The following UQCRFS1 variants were observed in gnomAD, a reference collection of about 807,000 sequenced individuals.
UQCRFS1 encodes ubiquinol-cytochrome c reductase, Rieske iron-sulfur polypeptide 1.
Under a neutral mutation model 15.6 loss-of-function variants are expected in UQCRFS1, and 6 were observed. The ratio of observed to expected loss-of-function variants is 0.38; its 90% CI spans 0.21 to 0.76. The LOEUF (loss-of-function observed/expected upper bound fraction) is 0.76, where lower values mean the gene tolerates loss of function less well. Ranked by LOEUF, UQCRFS1 falls within the 30% of genes least tolerant of loss-of-function variation. UQCRFS1 has a pLI of 0.44. For synonymous variants in UQCRFS1, 105 were observed against 154.3 expected (o/e 0.68, Z 2.37); for missense variants, 203 against 366.7 (o/e 0.55, Z 3.65).
At chr19:29,211,933 C>T (rs570142459) in intron 1 of UQCRFS1, among the ~76,000 whole-genome samples, 7 of 152,326 alleles carry the variant, frequency 4.6e-5, no homozygotes, top group African/African-American at 1.7e-4. Flanking sequence ...CTTGCTCCAA[C>T]TGCGGGGGCG....
intron 1 of UQCRFS1, among the ~76,000 whole-genome samples, chr19:29,209,497 T>C (rs957399724): frequency 2.6e-5 from 4 of 152,104 alleles, no homozygotes; most frequent in Non-Finnish European, 4.4e-5. Context: ...CCAGAAGTAT[T>C]CAAACAATAA....
At chr19:29,208,270 A>G in intron 1 of UQCRFS1, 112 bp from the exon 2 acceptor site, 1 of 1,380,678 alleles carries the variant, frequency 7.2e-7, no homozygotes, top group Non-Finnish European at 9.6e-7. Flanking sequence ...AATTCTAAAA[A>G]TGTGAAATAT....
chr19:29,212,873 C>G, intron 1 of UQCRFS1, 32 bp downstream of exon 1: 1 of 1,419,522 alleles, frequency 7.0e-7, no homozygotes, highest in Non-Finnish European at 9.1e-7. Flanking sequence ...GAGAGACCCC[C>G]AGCCCTGCTC....
At chr19:29,208,646 T>A (rs116734876) in intron 1 of UQCRFS1, among the ~76,000 whole-genome samples, 1 of 152,296 alleles carries the variant, frequency 6.6e-6, no homozygotes, top group Admixed American at 6.5e-5. Flanking sequence ...TTAAGGCAAA[T>A]GTCTGCCCCT....
chr19:29,209,908 T>C (rs967084419), intron 1 of UQCRFS1, among the ~76,000 whole-genome samples: 5 of 152,156 alleles, frequency 3.3e-5, no homozygotes, highest in African/African-American at 4.8e-5. Context: ...TCCCACTCTA[T>C]CTAGCTGGTT....
At position 29,212,758 on chromosome 19, in the gene UQCRFS1, C is replaced by G. The variant is rs574761591; in HGVS notation, c.214+147G>C. ...GGCCACCAGAAAGACGCCCCGAGCC[C>G]GGGGGCCAGGCCCAGAGTTGCGGAG... On this transcript the variant is annotated intron_variant, in intron 1 of 1. Coordinates refer to ENST00000304863, the MANE Select transcript of UQCRFS1 (RefSeq NM_006003.3). 25 of 845,856 alleles carry G rather than the reference C, an allele frequency of 3.0e-5. No individual in the cohort carries two copies. In the Admixed American group the frequency reaches 5.2e-4, roughly 18 times the overall value. The allele number at this position is 845,856 out of a possible 1,614,324, so 52.4% of individuals were successfully genotyped here.
chr19:29,213,013 C>T lies in UQCRFS1; in HGVS notation c.106G>A (p.Ala36Thr), dbSNP rs1976677023. The T allele has an allele frequency of 1.4e-6, 2 of 1,411,968 alleles. No homozygotes were observed. Among genetic ancestry groups the T allele is most frequent in the South Asian group, 1.5e-5 (1 of 65,158 alleles). The allele number at this position is 1,411,968 out of a possible 1,614,324, so 87.5% of individuals were successfully genotyped here. A position where few individuals can be genotyped will look rare whatever the true frequency, so the allele number is the denominator to read the frequency against. ...TCCAACACAGGCTGCTCCGGGGTGG[C>T]GGGCACCGTGGCCTGCACCAAGGGC... Reference protein sequence around the residue: ...LRPLVQATVPATPEQPVLDLK... With the variant: ...LRPLVQATVPTTPEQPVLDLK... Residue 36 changes from alanine to threonine, a missense_variant, in exon 1 of 2, where the codon GCC becomes ACC. By Grantham distance (58) the Ala-to-Thr change is moderately conservative (BLOSUM62 0). Coordinates refer to ENST00000304863, the MANE Select transcript of UQCRFS1 (RefSeq NM_006003.3).
Position 29,205,797 on chromosome 19 carries a change from C to T in UQCRFS1, c.*1751G>A, listed in dbSNP as rs892334094. On this transcript the variant is annotated 3_prime_UTR_variant, in exon 2 of 2. Coordinates refer to ENST00000304863, the MANE Select transcript of UQCRFS1 (RefSeq NM_006003.3). ...TGAAGTGACTTGACTTGTCCTGTCA[C>T]TTGTGGAACAAAGCCTTCTTTAAAA... 2.0e-5 allele frequency: 3 copies of T among 152,192 alleles called. No individual in the cohort carries two copies. Among genetic ancestry groups the T allele is most frequent in the Non-Finnish European group, 4.4e-5 (3 of 68,038 alleles). 9.4% of individuals were successfully genotyped at this position (152,192 alleles called of 1,614,324 possible).
In UQCRFS1 at chr19:29,205,743, G is replaced by A. The variant is rs1452555517; in HGVS notation, c.*1805C>T. On this transcript the variant is annotated 3_prime_UTR_variant, in exon 2 of 2. Coordinates refer to ENST00000304863, the MANE Select transcript of UQCRFS1 (RefSeq NM_006003.3). The stretch of plus-strand genomic sequence containing the variant: ...CAGAATGGTAAAAATGTTAACACAG[G>A]TCTGCCGTATCCATTCAGCAAAACA... 6.6e-6 allele frequency: 1 copy of A among 152,106 alleles called. No homozygotes were observed. Among genetic ancestry groups the A allele is most frequent in the Non-Finnish European group, 1.5e-5 (1 of 68,028 alleles). 9.4% of individuals were successfully genotyped at this position (152,106 alleles called of 1,614,324 possible).
intron 1 of UQCRFS1, among the ~76,000 whole-genome samples, chr19:29,211,729 T>C (rs1398591107): frequency 1.3e-5 from 2 of 152,256 alleles, no homozygotes; most frequent in African/African-American, 4.8e-5. Context: ...CATATGGACA[T>C]GTAGCAACTT....
intron 1 of UQCRFS1, among the ~76,000 whole-genome samples, chr19:29,211,080 T>C (rs117157757): frequency 0.01 from 1,540 of 152,264 alleles, 12 homozygotes; most frequent in Middle Eastern, 0.02. Context: ...TATCTCATTG[T>C]GGTTTACAGG....
chr19:29,210,278 T>C (rs1169997132), intron 1 of UQCRFS1, among the ~76,000 whole-genome samples: 2 of 152,152 alleles, frequency 1.3e-5, no homozygotes, highest in Non-Finnish European at 2.9e-5. Context: ...CAGGCTGAAA[T>C]GATTACAGAA....
chr19:29,211,611 A>G (rs973317358), intron 1 of UQCRFS1, among the ~76,000 whole-genome samples: 9 of 152,242 alleles, frequency 5.9e-5, no homozygotes, highest in Non-Finnish European at 1.0e-4. Context: ...TTACCAATAA[A>G]CACAATACAG....
chr19:29,208,537 CTA>C (rs1976614881), intron 1 of UQCRFS1, among the ~76,000 whole-genome samples: 1 of 152,160 alleles, frequency 6.6e-6, no homozygotes, highest in South Asian at 2.1e-4. Context: ...CCAAGACTTA[CTA>C]TATAAATCAT....
chr19:29,212,858 G>T, intron 1 of UQCRFS1, 47 bp downstream of exon 1: 1 of 1,376,730 alleles, frequency 7.3e-7, no homozygotes, highest in Non-Finnish European at 9.3e-7. Context: ...GGAGGAGCGG[G>T]CACCGAGAGA....
chr19:29,211,804 G>T (rs1976653540), intron 1 of UQCRFS1, among the ~76,000 whole-genome samples: 1 of 152,228 alleles, frequency 6.6e-6, no homozygotes, highest in Non-Finnish European at 1.5e-5. Flanking sequence ...AAAGAAAAGT[G>T]GCGGGCAATT....
At chr19:29,210,718 C>T (rs1209903020) in intron 1 of UQCRFS1, among the ~76,000 whole-genome samples, 1 of 152,108 alleles carries the variant, frequency 6.6e-6, no homozygotes, top group African/African-American at 2.4e-5. Context: ...CATAGTATTC[C>T]ACGGTGTATA....
At position 29,212,982 on chromosome 19, in the gene UQCRFS1, T is replaced by C. The variant is rs1314157904; in HGVS notation, c.137A>G (p.Lys46Arg). Residue 46 changes from lysine (K) to arginine (R), a missense_variant, in exon 1 of 2, where the codon AAG (lysine) becomes AGG (arginine). Transcript: ENST00000304863. ...ATPEQPVLDL[K>R]RPFLSRESLS... ...CGACTCCCGGCTGAGGAAGGGCCGC[T>C]TCAGGTCCAACACAGGCTGCTCCGG... 1 of 1,402,706 alleles carries C rather than the reference T, an allele frequency of 7.1e-7. No homozygotes were observed. The highest frequency in any genetic ancestry group is 3.0e-5 in the East Asian group (1 of 33,356). 86.9% of individuals were successfully genotyped at this position (1,402,706 alleles called of 1,614,324 possible).
chr19:29,212,384 G>GT (rs74181465), intron 1 of UQCRFS1, among the ~76,000 whole-genome samples: 78,140 of 145,536 alleles, frequency 0.54, 21,747 homozygotes, highest in South Asian at 0.63. Context: ...TGTTTTTTTT[G>GT]TTTTTTTTTT....
Sources: allele counts gnomAD v4.1 joint callset (sites outside exome capture counted in the v4.1 genomes callset), GRCh38; gene constraint gnomAD v4.1.1; transcripts MANE v1.5; gene names NCBI Gene and HGNC (gene_info 2026-07-23, HGNC 2026-07-21).